CNTNAP2: variants seen among roughly 807,000 people sequenced by gnomAD.
The protein encoded by CNTNAP2 is contactin-associated protein-like 2.
CNTNAP2 carries 98 observed loss-of-function variants against 155.2 expected under a neutral mutation model. That is an observed-to-expected ratio of 0.63 (90% CI 0.54 to 0.75). CNTNAP2 has a LOEUF of 0.75. CNTNAP2 is among the 30% of genes least tolerant of loss of function. The probability of loss-of-function intolerance (pLI) is 0.00; values close to 1 mark genes in which losing one functional copy is unlikely to be tolerated. For missense variants in CNTNAP2, 1,727 were observed against 1,688.1 expected, an observed-to-expected ratio of 1.02 and a Z score of -0.40; for synonymous variants, 651 against 631.2, an observed-to-expected ratio of 1.03 and a Z score of -0.47.
intron 10 of CNTNAP2, among the ~76,000 whole-genome samples, chr7:147,423,885 T>A (rs1260205200): frequency 6.6e-6 from 1 of 152,190 alleles, no homozygotes; most frequent in South Asian, 2.1e-4. Context: ...TAGTCCCACA[T>A]TCTATCATTA....
rs181293797 is a variant in CNTNAP2, at chr7:147,995,022, C to T, written c.2383+17033C>T. On this transcript the variant is annotated intron_variant, in intron 15 of 23. Transcript: ENST00000361727. ...TCCAGAGGAAACCAAACACAAGCTT[C>T]CAAGAGACTCCCACTGGAGTCCACA... 2.1e-4 allele frequency among the ~76,000 whole-genome samples: 32 copies of T among 152,298 alleles called. No homozygotes were observed. The East Asian group carries it at 5.8e-3, about 28-fold the overall frequency.
intron 11 of CNTNAP2, among the ~76,000 whole-genome samples, chr7:147,491,758 G>A (rs1798613649): frequency 1.3e-5 from 2 of 152,152 alleles, no homozygotes; most frequent in African/African-American, 4.8e-5. Flanking sequence ...GCTATAAGGA[G>A]AGAGTACACT....
intron 10 of CNTNAP2, among the ~76,000 whole-genome samples, chr7:147,422,904 A>G (rs965109184): frequency 3.9e-5 from 6 of 152,214 alleles, no homozygotes; most frequent in Non-Finnish European, 5.9e-5. Flanking sequence ...ATATCTAATG[A>G]TAATTTTTTA....
At chr7:146,369,178 T>A (rs188127826) in intron 1 of CNTNAP2, among the ~76,000 whole-genome samples, 1 of 151,686 alleles carries the variant, frequency 6.6e-6, no homozygotes, top group Admixed American at 6.6e-5. Flanking sequence ...CGTGTGTGTA[T>A]GTGTGTGTAT....
At chr7:146,923,010 A>G (rs954082135) in intron 3 of CNTNAP2, among the ~76,000 whole-genome samples, 3 of 152,216 alleles carry the variant, frequency 2.0e-5, no homozygotes, top group Non-Finnish European at 4.4e-5. Flanking sequence ...ATTTTAAGAC[A>G]GCATAGCTGA....
intron 3 of CNTNAP2, among the ~76,000 whole-genome samples, chr7:146,868,907 G>A (rs1454468686): frequency 6.6e-6 from 1 of 152,160 alleles, no homozygotes; most frequent in African/African-American, 2.4e-5. Flanking sequence ...TGCTGGAAGT[G>A]CTTTTGGTCT....
At chr7:147,978,215 T>G in intron 15 of CNTNAP2, 2 of 560,354 alleles carry the variant, frequency 3.6e-6, no homozygotes, top group Admixed American at 6.0e-5. Flanking sequence ...TCCTCTATAT[T>G]CATATGTAAC....
intron 4 of CNTNAP2, among the ~76,000 whole-genome samples, chr7:147,049,988 T>G (rs1339282859): frequency 6.6e-6 from 1 of 152,222 alleles, no homozygotes. Context: ...AGGGCTTCTA[T>G]TGTTCCTACT....
At chr7:146,676,164 CAGTT>C (rs1173868133) in intron 1 of CNTNAP2, among the ~76,000 whole-genome samples, 2 of 152,046 alleles carry the variant, frequency 1.3e-5, no homozygotes, top group South Asian at 2.1e-4. Context: ...TATCATAAAT[CAGTT>C]TGTTTATGAT....
At chr7:147,910,485 T>G (rs983671006) in intron 14 of CNTNAP2, among the ~76,000 whole-genome samples, 6 of 152,152 alleles carry the variant, frequency 3.9e-5, no homozygotes, top group African/African-American at 7.2e-5. Flanking sequence ...GGCAAGCAAC[T>G]TTAGACTCAT....
At chr7:146,735,333 A>C (rs1801594062) in intron 1 of CNTNAP2, among the ~76,000 whole-genome samples, 1 of 152,146 alleles carries the variant, frequency 6.6e-6, no homozygotes, top group Admixed American at 6.5e-5. Flanking sequence ...CGGGCAGATG[A>C]CGAGGTCAGG....
At chr7:146,669,345 T>G (rs1353237) in intron 1 of CNTNAP2, among the ~76,000 whole-genome samples, 2,127 of 152,304 alleles carry the variant, frequency 0.014, 57 homozygotes, top group African/African-American at 0.049. Context: ...AATAGAAACC[T>G]ATTTAATTTC....
intron 15 of CNTNAP2, among the ~76,000 whole-genome samples, chr7:148,098,337 G>A (rs537050365): frequency 6.6e-5 from 10 of 151,392 alleles, no homozygotes; most frequent in Admixed American, 3.3e-4. Context: ...CCAGCTACTC[G>A]GGAGGCTGAG....
At chr7:147,447,949 A>G (rs1248313662) in intron 10 of CNTNAP2, among the ~76,000 whole-genome samples, 1 of 152,180 alleles carries the variant, frequency 6.6e-6, no homozygotes. Flanking sequence ...CACTTTTAAC[A>G]TAAACAATTT....
intron 13 of CNTNAP2, among the ~76,000 whole-genome samples, chr7:147,714,597 GTTT>G (rs1796454550): frequency 6.6e-6 from 1 of 152,014 alleles, no homozygotes; most frequent in Non-Finnish European, 1.5e-5. Flanking sequence ...TTAAAACAAG[GTTT>G]TTAGGGAAAA....
chr7:146,433,899 T>C (rs187779035), intron 1 of CNTNAP2, among the ~76,000 whole-genome samples: 1 of 152,296 alleles, frequency 6.6e-6, no homozygotes, highest in Non-Finnish European at 1.5e-5. Flanking sequence ...AACCACAGCT[T>C]CCACCTTTCA....
intron 10 of CNTNAP2, among the ~76,000 whole-genome samples, chr7:147,442,664 G>A (rs767943268): frequency 6.6e-6 from 1 of 152,186 alleles, no homozygotes; most frequent in Non-Finnish European, 1.5e-5. Flanking sequence ...CCTCAGTGTA[G>A]TACCAGGTAT....
chr7:146,987,369 C>T (rs149267261), intron 3 of CNTNAP2, among the ~76,000 whole-genome samples: 88 of 152,124 alleles, frequency 5.8e-4, no homozygotes, highest in Non-Finnish European at 8.4e-4. Context: ...TACTTTTAGT[C>T]CTGCATAATG....
At chr7:146,923,908 A>G (rs914270187) in intron 3 of CNTNAP2, among the ~76,000 whole-genome samples, 2 of 152,162 alleles carry the variant, frequency 1.3e-5, no homozygotes, top group African/African-American at 4.8e-5. Context: ...TTACTGAGTC[A>G]GAAACTCAGG....
Sources: allele counts gnomAD v4.1 joint callset (sites outside exome capture counted in the v4.1 genomes callset), GRCh38; gene constraint gnomAD v4.1.1; transcripts MANE v1.5; gene names NCBI Gene and HGNC (gene_info 2026-07-23, HGNC 2026-07-21).